Variants in SH3RF3 observed in about 807,000 individuals in gnomAD.
The protein encoded by SH3RF3 is E3 ubiquitin-protein ligase SH3RF3.
SH3RF3 carries 29 observed loss-of-function variants against 66.3 expected under a neutral mutation model. The observed-to-expected ratio is 0.44, with a 90% CI of 0.33 to 0.60. The LOEUF is 0.60. Among genes scored for constraint, SH3RF3 ranks in the 20% least tolerant of loss-of-function variants. The pLI, the probability that SH3RF3 is intolerant of heterozygous loss-of-function variation, is 0.04. For missense variants in SH3RF3, 1,194 were observed against 1,190.9 expected (o/e 1.00, Z -0.04); for synonymous variants, 583 against 532.0 (o/e 1.10, Z -1.32).
intron 1 of SH3RF3, among the ~76,000 whole-genome samples, chr2:109,218,825 G>C (rs1679160283): frequency 6.6e-6 from 1 of 152,110 alleles, no homozygotes; most frequent in South Asian, 2.1e-4. Context: ...TACATTAGAG[G>C]TGATTAATCA....
rs144611628 is a variant in SH3RF3, at chr2:109,233,785, A to G, written c.573+103672A>G. Among the ~76,000 whole-genome samples, 393 of 152,366 alleles carry G rather than the reference A, an allele frequency of 2.6e-3. 1 individual carries two copies. The highest frequency in any genetic ancestry group is 8.5e-3 in the African/African-American group (355 of 41,580). On this transcript the variant is annotated intron_variant, in intron 1 of 9. Transcript: ENST00000309415. ...TGCCGTTTTGCATTTCCAGAATGCC[A>G]TATAAATAGGATCACAGAGTATGTA...
chr2:109,361,801 T>C (rs995350749), intron 2 of SH3RF3, among the ~76,000 whole-genome samples: 3 of 152,184 alleles, frequency 2.0e-5, no homozygotes, highest in African/African-American at 7.2e-5. Flanking sequence ...CTTGTATGAG[T>C]TTTAGCAGAT....
intron 1 of SH3RF3, among the ~76,000 whole-genome samples, chr2:109,134,743 G>T (rs1399940021): frequency 6.6e-6 from 1 of 152,118 alleles, no homozygotes; most frequent in African/African-American, 2.4e-5. Context: ...TCAGCTCGTT[G>T]GTAGCACGAT....
chr2:109,266,579 T>G (rs1574539351), intron 1 of SH3RF3, among the ~76,000 whole-genome samples: 1 of 152,062 alleles, frequency 6.6e-6, no homozygotes, highest in Admixed American at 6.5e-5. Context: ...GTTTTGTGCC[T>G]GATGCCCGTC....
chr2:109,279,168 C>T (rs543325573), intron 1 of SH3RF3, among the ~76,000 whole-genome samples: 2 of 152,238 alleles, frequency 1.3e-5, no homozygotes, highest in African/African-American at 4.8e-5. Context: ...AGCTGTGGTC[C>T]GGATTCCATG....
chr2:109,455,745 C>T (rs1678036322), intron 8 of SH3RF3, among the ~76,000 whole-genome samples: 2 of 152,302 alleles, frequency 1.3e-5, no homozygotes, highest in East Asian at 3.9e-4. Flanking sequence ...CCAGTTCTGT[C>T]GACAGGCAGC....
intron 4 of SH3RF3, among the ~76,000 whole-genome samples, chr2:109,406,189 A>G (rs914899919): frequency 6.6e-6 from 1 of 152,200 alleles, no homozygotes; most frequent in African/African-American, 2.4e-5. Flanking sequence ...AGTATCATTC[A>G]CATGTCAGTG....
intron 1 of SH3RF3, among the ~76,000 whole-genome samples, chr2:109,338,985 G>A (rs867728153): frequency 5.9e-5 from 9 of 152,258 alleles, no homozygotes; most frequent in Non-Finnish European, 1.5e-5. Flanking sequence ...AGAATAAAGC[G>A]AGCTAGAGAA....
chr2:109,422,971 G>A (rs181137393), intron 5 of SH3RF3, among the ~76,000 whole-genome samples: 17 of 152,186 alleles, frequency 1.1e-4, no homozygotes, highest in South Asian at 4.2e-4. Context: ...GGTCTGACTC[G>A]GTCCACGTAC....
intron 1 of SH3RF3, among the ~76,000 whole-genome samples, chr2:109,243,450 C>T (rs915627855): frequency 6.6e-6 from 1 of 152,184 alleles, no homozygotes; most frequent in South Asian, 2.1e-4. Flanking sequence ...AAGGGATTTT[C>T]GTATTCTCCT....
chr2:109,183,896 C>A (rs909240281), intron 1 of SH3RF3, among the ~76,000 whole-genome samples: 3 of 152,204 alleles, frequency 2.0e-5, no homozygotes, highest in Non-Finnish European at 2.9e-5. Flanking sequence ...AAAGTGGGCT[C>A]TAGAATCCCA....
intron 1 of SH3RF3, among the ~76,000 whole-genome samples, chr2:109,154,306 T>C (rs1251199214): frequency 6.6e-6 from 1 of 152,130 alleles, no homozygotes; most frequent in African/African-American, 2.4e-5. Flanking sequence ...AGCCCCTGTT[T>C]CCCAGCTTGG....
intron 1 of SH3RF3, among the ~76,000 whole-genome samples, chr2:109,319,914 G>A (rs1036578582): frequency 2.0e-5 from 3 of 152,176 alleles, no homozygotes; most frequent in African/African-American, 7.2e-5. Flanking sequence ...GTTACATCTG[G>A]GGTCCCTCCT....
intron 1 of SH3RF3, among the ~76,000 whole-genome samples, chr2:109,164,321 C>T (rs543824076): frequency 3.9e-5 from 6 of 152,244 alleles, no homozygotes; most frequent in African/African-American, 1.4e-4. Flanking sequence ...GTAGCTAGGA[C>T]TACAGCACAG....
chr2:109,433,227 A>C (rs1301176686), intron 6 of SH3RF3, among the ~76,000 whole-genome samples: 1 of 152,246 alleles, frequency 6.6e-6, no homozygotes, highest in Non-Finnish European at 1.5e-5. Context: ...TCATATATAG[A>C]CGTGTGATAT....
chr2:109,381,695 A>G (rs1398703410), intron 3 of SH3RF3, among the ~76,000 whole-genome samples: 1 of 152,074 alleles, frequency 6.6e-6, no homozygotes, highest in Admixed American at 6.6e-5. Context: ...TAGAAAGGAC[A>G]GCTTTACTGG....
chr2:109,373,947 GCT>G (rs10604395), intron 3 of SH3RF3, among the ~76,000 whole-genome samples: 2,916 of 152,216 alleles, frequency 0.019, 92 homozygotes, highest in African/African-American at 0.061. Flanking sequence ...AGTCCAGCAG[GCT>G]CTCTGTCATC....
chr2:109,246,016 G>T (rs937427373), intron 1 of SH3RF3, among the ~76,000 whole-genome samples: 1 of 152,222 alleles, frequency 6.6e-6, no homozygotes, highest in African/African-American at 2.4e-5. Flanking sequence ...CAAAAAAAGA[G>T]CATGGATTTT....
chr2:109,282,521 CAG>C lies in SH3RF3; in HGVS notation c.574-65152_574-65151del, dbSNP rs1200827411. On this transcript the variant is annotated intron_variant, in intron 1 of 9. Transcript: ENST00000309415. ...GCCGGCCTGCCCTGCGGTGGGAGGA[CAG>C]GGGAGGGGTGGTACTGCCCTGTGCC... Among the ~76,000 whole-genome samples the C allele has an allele frequency of 2.6e-5, 4 of 152,228 alleles. No homozygotes were observed. The East Asian group carries it at 7.8e-4, about 30-fold the overall frequency.
Sources: gnomAD v4.1 joint callset for allele counts (sites outside exome capture counted in the v4.1 genomes callset) on GRCh38, gnomAD v4.1.1 for gene constraint, MANE v1.5 for transcripts, NCBI Gene and HGNC (gene_info 2026-07-23, HGNC 2026-07-21) for gene names.